The following DPP10 variants were observed in gnomAD, a reference collection of about 807,000 sequenced individuals.
The protein encoded by DPP10 is inactive dipeptidyl peptidase 10.
A neutral mutation model predicts 120.9 loss-of-function variants in DPP10; 33 were observed. The observed-to-expected ratio is 0.27, with a 90% CI of 0.21 to 0.37. The LOEUF is 0.37. DPP10 is among the 10% of genes least tolerant of loss of function. The probability of loss-of-function intolerance (pLI) is 1.00; values close to 1 mark genes in which losing one functional copy is unlikely to be tolerated. For synonymous variants in DPP10, 337 were observed against 326.1 expected (o/e 1.03, Z -0.36); for missense variants, 816 against 942.8 (o/e 0.87, Z 1.76).
intron 1 of DPP10, among the ~76,000 whole-genome samples, chr2:114,778,204 C>T (rs1388691481): frequency 6.6e-6 from 1 of 152,044 alleles, no homozygotes; most frequent in African/African-American, 2.4e-5. Flanking sequence ...TAAGGGATGA[C>T]ACTTACAGAT....
At chr2:115,519,313 G>T (rs1212999731) in intron 4 of DPP10, among the ~76,000 whole-genome samples, 1 of 152,046 alleles carries the variant, frequency 6.6e-6, no homozygotes, top group Non-Finnish European at 1.5e-5. Flanking sequence ...TGGATTAGTA[G>T]GTATTGATTC....
At chr2:114,716,357 A>G (rs1701346727) in intron 1 of DPP10, among the ~76,000 whole-genome samples, 1 of 152,228 alleles carries the variant, frequency 6.6e-6, no homozygotes, top group Non-Finnish European at 1.5e-5. Context: ...GAAGACGTGA[A>G]CTAAAACACA....
chr2:115,151,846 C>G (rs1559151028), intron 1 of DPP10, among the ~76,000 whole-genome samples: 2 of 145,846 alleles, frequency 1.4e-5, no homozygotes, highest in Admixed American at 6.9e-5. Context: ...TTTTTAATTT[C>G]TTTTTAGTGT....
At chr2:115,288,735 G>T (rs935435007) in intron 1 of DPP10, among the ~76,000 whole-genome samples, 1 of 151,540 alleles carries the variant, frequency 6.6e-6, no homozygotes, top group Non-Finnish European at 1.5e-5. Context: ...AAAAAGAAAA[G>T]AAAAGAAAGA....
At chr2:115,776,366 T>C (rs1682097167) in intron 13 of DPP10, among the ~76,000 whole-genome samples, 1 of 152,128 alleles carries the variant, frequency 6.6e-6, no homozygotes, top group Non-Finnish European at 1.5e-5. Context: ...ATGCAGTGTT[T>C]GGTTTTCTGT....
intron 3 of DPP10, among the ~76,000 whole-genome samples, chr2:115,414,785 T>A (rs1198504217): frequency 3.3e-5 from 5 of 152,180 alleles, no homozygotes. Context: ...AAAATGCTGA[T>A]CTCTGGAATA....
chr2:115,007,391 C>A (rs2105056510), intron 1 of DPP10, among the ~76,000 whole-genome samples: 1 of 152,266 alleles, frequency 6.6e-6, no homozygotes, highest in African/African-American at 2.4e-5. Context: ...ATGCTAAAAA[C>A]TCTCAATAAA....
chr2:114,668,789 T>C (rs1378639235), intron 1 of DPP10, among the ~76,000 whole-genome samples: 3 of 152,136 alleles, frequency 2.0e-5, no homozygotes, highest in Non-Finnish European at 4.4e-5. Flanking sequence ...TGTGGAATGT[T>C]CCCTCCTCTA....
intron 3 of DPP10, among the ~76,000 whole-genome samples, chr2:115,471,742 A>G (rs1035631856): frequency 2.0e-5 from 3 of 150,290 alleles, no homozygotes; most frequent in Admixed American, 6.7e-5. Flanking sequence ...ATACGCTACC[A>G]TGCCAGACTA....
intron 1 of DPP10, among the ~76,000 whole-genome samples, chr2:114,942,304 T>TAC (rs1417898041): frequency 8.2e-6 from 1 of 121,668 alleles, no homozygotes; most frequent in Non-Finnish European, 1.7e-5. Context: ...TATACATATA[T>TAC]ATATATATAT....
intron 1 of DPP10, among the ~76,000 whole-genome samples, chr2:115,281,611 CT>C (rs2060159654): frequency 6.6e-6 from 1 of 152,156 alleles, no homozygotes; most frequent in Non-Finnish European, 1.5e-5. Context: ...CTTCTCACAA[CT>C]TTTGTTGTTC....
intron 19 of DPP10, among the ~76,000 whole-genome samples, chr2:115,800,206 T>C (rs1267276791): frequency 2.0e-5 from 3 of 152,048 alleles, no homozygotes; most frequent in South Asian, 2.1e-4. Context: ...CATTTTTTCA[T>C]GTGTCTTTTG....
At chr2:115,473,965 T>C (rs1283427482) in intron 3 of DPP10, among the ~76,000 whole-genome samples, 1 of 152,082 alleles carries the variant, frequency 6.6e-6, no homozygotes, top group Non-Finnish European at 1.5e-5. Context: ...TGAATTCCCA[T>C]TGGGTTAGTG....
At chr2:114,527,699 C>T (rs945477742) in intron 1 of DPP10, among the ~76,000 whole-genome samples, 2 of 151,976 alleles carry the variant, frequency 1.3e-5, no homozygotes, top group South Asian at 2.1e-4. Context: ...TGTTGTTAGG[C>T]GATTTTGTCA....
chr2:115,645,955 G>A (rs1414653954), intron 5 of DPP10, among the ~76,000 whole-genome samples: 1 of 152,156 alleles, frequency 6.6e-6, no homozygotes, highest in Non-Finnish European at 1.5e-5. Context: ...AAAGACAGAA[G>A]AGTCTAAATA....
chr2:115,443,086 C>A (rs1574860337), intron 3 of DPP10, among the ~76,000 whole-genome samples: 1 of 152,148 alleles, frequency 6.6e-6, no homozygotes, highest in Non-Finnish European at 1.5e-5. Flanking sequence ...AAAAATTTAC[C>A]ATTATGTTCT....
chr2:115,675,943 G>A (rs924329108), intron 5 of DPP10, among the ~76,000 whole-genome samples: 5 of 152,098 alleles, frequency 3.3e-5, no homozygotes, highest in Non-Finnish European at 7.3e-5. Flanking sequence ...GCCACCAGCT[G>A]GACCCAATAG....
At chr2:114,996,637 T>C (rs751388813) in intron 1 of DPP10, among the ~76,000 whole-genome samples, 4 of 152,188 alleles carry the variant, frequency 2.6e-5, no homozygotes, top group Non-Finnish European at 5.9e-5. Flanking sequence ...ACATTATCCA[T>C]TGGGCAGATC....
intron 1 of DPP10, among the ~76,000 whole-genome samples, chr2:114,851,113 A>T (rs1558808146): frequency 6.6e-6 from 1 of 152,196 alleles, no homozygotes; most frequent in South Asian, 2.1e-4. Flanking sequence ...TAGACAGGAT[A>T]AAATGCTAGT....
Sources: allele counts gnomAD v4.1 joint callset (sites outside exome capture counted in the v4.1 genomes callset), GRCh38; gene constraint gnomAD v4.1.1; transcripts MANE v1.5; gene names NCBI Gene and HGNC (gene_info 2026-07-23, HGNC 2026-07-21).